RPS6KA6: variants seen among roughly 807,000 people sequenced by gnomAD.
RPS6KA6 encodes ribosomal protein S6 kinase A6.
In RPS6KA6, 27 loss-of-function variants were observed where a neutral mutation model predicts 65.4. The ratio of observed to expected loss-of-function variants is 0.41; its 90% CI spans 0.30 to 0.57. The LOEUF (loss-of-function observed/expected upper bound fraction) is 0.57, where lower values mean the gene tolerates loss of function less well. Ranked by LOEUF, RPS6KA6 falls within the 20% of genes least tolerant of loss-of-function variation. RPS6KA6 has a pLI of 0.24. For missense variants in RPS6KA6, 486 were observed against 555.6 expected (o/e 0.87, Z 1.26); for synonymous variants, 190 against 184.2 (o/e 1.03, Z -0.26).
intron 3 of RPS6KA6, among the ~76,000 whole-genome samples, chrX:84,150,834 G>A (rs1189932907): frequency 4.1e-5 from 4 of 97,214 alleles, no homozygotes; most frequent in East Asian, 6.2e-4. Context: ...TATATAGAGA[G>A]GATATATATA....
chrX:84,166,881 G>T (rs1440152771), intron 1 of RPS6KA6, among the ~76,000 whole-genome samples: 2 of 110,688 alleles, frequency 1.8e-5, no homozygotes, highest in Admixed American at 1.9e-4. Context: ...AAAAAGTATT[G>T]AATTGTATAT....
rs183528203 is a variant in RPS6KA6 at position 84,120,970 on chromosome X, C to T, written c.647-943G>A. 2.7e-5 allele frequency among the ~76,000 whole-genome samples: 3 copies of T among 112,165 alleles called. No individual in the cohort carries two copies. The East Asian group carries it at 8.4e-4, about 32-fold the overall frequency. On this transcript the variant is annotated intron_variant, in intron 8 of 21. Transcript: ENST00000262752. ...CCGGAAAAAGGTTGGACATATATATCAATGGAACAGAAGAGTGTACAATGA... is the reference window on the plus strand; with the variant it reads ...CCGGAAAAAGGTTGGACATATATATTAATGGAACAGAAGAGTGTACAATGA...
At chrX:84,106,320 T>G in intron 15 of RPS6KA6, 45 bp downstream of exon 15, 1 of 1,143,720 alleles carries the variant, frequency 8.7e-7, no homozygotes, top group South Asian at 2.0e-5. Context: ...ATAATTTAAA[T>G]TACATGCATA....
At chrX:84,117,314 G>A (rs112367703) in intron 10 of RPS6KA6, 70 bp downstream of exon 10, 9 of 747,348 alleles carry the variant, frequency 1.2e-5, no homozygotes, top group East Asian at 3.6e-5. Context: ...TTTTAAAACC[G>A]CAATAATTTT....
chrX:84,151,901 T>G (rs1602465847), intron 3 of RPS6KA6, among the ~76,000 whole-genome samples: 1 of 111,624 alleles, frequency 9.0e-6, no homozygotes, highest in Non-Finnish European at 1.9e-5. Context: ...GACTGTGAAG[T>G]AGTTTTGACT....
At chrX:84,171,807 T>C (rs193173908) in intron 1 of RPS6KA6, among the ~76,000 whole-genome samples, 1 of 111,116 alleles carries the variant, frequency 9.0e-6, no homozygotes, top group South Asian at 3.9e-4. Flanking sequence ...CATTAGGTAT[T>C]TGTCCGAATA....
chrX:84,125,381 T>C (rs2147488794), intron 8 of RPS6KA6, among the ~76,000 whole-genome samples: 1 of 111,507 alleles, frequency 9.0e-6, no homozygotes, highest in African/African-American at 3.3e-5. Flanking sequence ...AGAGAAGCAA[T>C]GAAAACTTGA....
At chrX:84,086,444 A>G (rs1229669101) in intron 20 of RPS6KA6, among the ~76,000 whole-genome samples, 2 of 111,269 alleles carry the variant, frequency 1.8e-5, no homozygotes, top group African/African-American at 3.3e-5. Context: ...AGTTTCTTCA[A>G]TTTCCGTGTA....
Position 84,188,004 on chromosome X carries a change from C to T in RPS6KA6, c.-105G>A, listed in dbSNP as rs2035951182. 1 of 594,391 alleles carries T rather than the reference C, an allele frequency of 1.7e-6. No individual in the cohort carries two copies. Among genetic ancestry groups the T allele is most frequent in the Non-Finnish European group, 2.2e-6 (1 of 447,172 alleles). The allele number at this position is 594,391 out of a possible 1,213,427, so 49.0% of individuals were successfully genotyped here. On this transcript the variant is annotated 5_prime_UTR_variant, in exon 1 of 22. Transcript: ENST00000262752. ...CCGCCGCCGCCGCCGCCGCCGCCGC[C>T]GCCGCGACCCCCAGCCCCGCCTTCA...
chrX:84,135,305 G>T, intron 6 of RPS6KA6, 95 bp from the exon 7 acceptor site: 1 of 539,076 alleles, frequency 1.9e-6, no homozygotes, highest in Non-Finnish European at 3.0e-6. Flanking sequence ...GACAAATCTA[G>T]GAAAATAATA....
chrX:84,183,764 C>T (rs1264863732), intron 1 of RPS6KA6, among the ~76,000 whole-genome samples: 1 of 111,176 alleles, frequency 9.0e-6, no homozygotes, highest in Admixed American at 9.6e-5. Context: ...TGCTCAAATT[C>T]CACCTCCTTC....
Position 84,156,116 on chromosome X carries a change from A to T in RPS6KA6, c.217T>A (p.Phe73Ile). ...EGYEKADPAQFELLKVLGQGS... is the reference protein window; with the variant it reads ...EGYEKADPAQIELLKVLGQGS... ...TGACCAAGAACCTTGAGCAACTCAAACTGTGCAGGATCTGCTTTCTCATAG... is the reference window on the plus strand; with the variant it reads ...TGACCAAGAACCTTGAGCAACTCAATCTGTGCAGGATCTGCTTTCTCATAG... The change falls in exon 3 of 22, where the codon TTT becomes ATT. Residue 73 changes from phenylalanine to isoleucine, a missense_variant. Around this residue, in one of 3 missense-constraint regions of RPS6KA6, gnomAD observed 106 missense variants for 105.0 expected, o/e 1.01. Coordinates refer to ENST00000262752, the MANE Select transcript of RPS6KA6 (RefSeq NM_014496.5). 8.3e-7 allele frequency: 1 copy of T among 1,200,244 alleles called. No homozygotes were observed. The highest frequency in any genetic ancestry group is 1.1e-6 in the Non-Finnish European group (1 of 885,510).
intron 8 of RPS6KA6, among the ~76,000 whole-genome samples, chrX:84,127,231 A>G (rs1056812456): frequency 2.7e-5 from 3 of 111,067 alleles, no homozygotes; most frequent in Admixed American, 9.6e-5. Context: ...GGGAAAATCT[A>G]GAGAAAATGG....
chrX:84,136,036 G>A (rs191181580), intron 6 of RPS6KA6, among the ~76,000 whole-genome samples: 2 of 110,982 alleles, frequency 1.8e-5, no homozygotes, highest in Admixed American at 9.6e-5. Context: ...CAGTTTATGT[G>A]GAAAAAAAGC....
rs7884535 is a variant in RPS6KA6, at chrX:84,146,968, G to T, written c.421+10C>A. On this transcript the variant is annotated intron_variant, in intron 5 of 21. Coordinates refer to ENST00000262752, the MANE Select transcript of RPS6KA6 (RefSeq NM_014496.5). ...TAAAATAAATAAAAGAATAAAAAAA[G>T]ATTACATACCATAGTGCAATTTGAC... 393 of 998,284 alleles carry T rather than the reference G, an allele frequency of 3.9e-4. 2 individuals carry two copies. The African/African-American group carries it at 6.9e-3, about 17-fold the overall frequency. The allele number at this position is 998,284 out of a possible 1,213,427, so 82.3% of individuals were successfully genotyped here.
chrX:84,111,243 G>A (rs182710463), intron 12 of RPS6KA6, among the ~76,000 whole-genome samples: 1 of 110,679 alleles, frequency 9.0e-6, no homozygotes, highest in Non-Finnish European at 1.9e-5. Context: ...AAAGAAAAAA[G>A]AAAAGAAGTT....
At chrX:84,067,083 C>G (rs1170542293) in intron 20 of RPS6KA6, among the ~76,000 whole-genome samples, 1 of 111,814 alleles carries the variant, frequency 8.9e-6, no homozygotes, top group East Asian at 2.8e-4. Flanking sequence ...ACTTCAACAT[C>G]AACAAAAATA....
intron 8 of RPS6KA6, among the ~76,000 whole-genome samples, chrX:84,121,030 C>T (rs930621256): frequency 8.9e-6 from 1 of 111,979 alleles, no homozygotes; most frequent in Non-Finnish European, 1.9e-5. Flanking sequence ...TGCTATAATG[C>T]TTCTTTTGAA....
At position 84,097,873 on chromosome X, in the gene RPS6KA6, G is replaced by T. The variant is rs201089235; in HGVS notation, c.1777-25C>A. On this transcript the variant is annotated intron_variant, in intron 18 of 21. Transcript: ENST00000262752. ...CCTAAGAAAGAAATACTCATTATAT[G>T]GTGTTACTCAATATAAACTCAATTT... The T allele has an allele frequency of 2.8e-4, 287 of 1,024,707 alleles. No homozygotes were observed. The East Asian group carries it at 8.4e-3, about 30-fold the overall frequency. The allele number at this position is 1,024,707 out of a possible 1,213,427, so 84.4% of individuals were successfully genotyped here. A position where few individuals can be genotyped will look rare whatever the true frequency, so the allele number is the denominator to read the frequency against.
Sources: allele counts gnomAD v4.1 joint callset (sites outside exome capture counted in the v4.1 genomes callset), GRCh38; gene constraint gnomAD v4.1.1; regional missense constraint gnomAD v4.1.1; transcripts MANE v1.5; gene names NCBI Gene and HGNC (gene_info 2026-07-23, HGNC 2026-07-21).